Variants in LDLRAD4 observed in about 807,000 individuals in gnomAD.
LDLRAD4 encodes low density lipoprotein receptor class A domain containing 4, also known as low-density lipoprotein receptor class A domain-containing protein 4.
Under a neutral mutation model 17.0 loss-of-function variants are expected in LDLRAD4, and 5 were observed. The observed-to-expected ratio is 0.29, with a 90% CI of 0.15 to 0.62. LDLRAD4 has a LOEUF of 0.62. LDLRAD4 is among the 20% of genes least tolerant of loss of function. The pLI, the probability that LDLRAD4 is intolerant of heterozygous loss-of-function variation, is 0.84. For synonymous variants in LDLRAD4, 168 were observed against 171.8 expected, an observed-to-expected ratio of 0.98 and a Z score of 0.17; for missense variants, 340 against 424.7, an observed-to-expected ratio of 0.80 and a Z score of 1.75.
intron 3 of LDLRAD4, chr18:13,612,021 G>A (rs2148721354): frequency 1.0e-6 from 1 of 985,512 alleles, no homozygotes; most frequent in African/African-American, 1.7e-5. Flanking sequence ...GGAGAAGCAC[G>A]CGAGCCTAAC....
At chr18:13,457,831 G>C (rs2092225111) in intron 3 of LDLRAD4, among the ~76,000 whole-genome samples, 1 of 152,162 alleles carries the variant, frequency 6.6e-6, no homozygotes, top group South Asian at 2.1e-4. Context: ...TTCAGTGCTG[G>C]TCTGACTTGC....
chr18:13,429,581 A>G (rs187112637), intron 2 of LDLRAD4, among the ~76,000 whole-genome samples: 24 of 152,382 alleles, frequency 1.6e-4, no homozygotes, highest in African/African-American at 4.8e-4. Flanking sequence ...GTGGGATTTT[A>G]TTTTTCAAAA....
intron 1 of LDLRAD4, among the ~76,000 whole-genome samples, chr18:13,296,212 G>C (rs1419945227): frequency 1.3e-5 from 2 of 152,268 alleles, no homozygotes; most frequent in Non-Finnish European, 2.9e-5. Flanking sequence ...CTTCGCAAGA[G>C]GCGACCGCCA....
intron 3 of LDLRAD4, among the ~76,000 whole-genome samples, chr18:13,441,242 C>T (rs925998152): frequency 3.9e-5 from 6 of 152,190 alleles, no homozygotes; most frequent in African/African-American, 7.2e-5. Flanking sequence ...TGTGAACAAG[C>T]CTTAGAGCCT....
chr18:13,233,849 CA>C (rs2042202523), intron 1 of LDLRAD4, among the ~76,000 whole-genome samples: 1 of 152,074 alleles, frequency 6.6e-6, no homozygotes, highest in African/African-American at 2.4e-5. Flanking sequence ...TCCAAGCCAG[CA>C]TGTCTAAAAC....
rs572948444 is a variant in LDLRAD4, at chr18:13,608,362, G to A, written c.182-12755G>A. On this transcript the variant is annotated intron_variant, in intron 3 of 5. Transcript: ENST00000359446. ...GGAGGCAACTGGAGGGGGAGGCAGC[G>A]GGGCATACCGAGAAGCCCTGGGGGT... 2.0e-4 allele frequency among the ~76,000 whole-genome samples: 30 copies of A among 152,210 alleles called. No individual in the cohort carries two copies. The South Asian group carries it at 5.8e-3, about 30-fold the overall frequency.
exon 2 of LDLRAD4, chr18:13,387,574 G>A (rs372160292): frequency 3.1e-5 from 22 of 711,778 alleles, no homozygotes; most frequent in Non-Finnish European, 3.9e-5. Context: ...CGCGAGAGCC[G>A]GGCAGGTGGG....
intron 1 of LDLRAD4, among the ~76,000 whole-genome samples, chr18:13,335,259 G>A (rs985489712): frequency 1.3e-5 from 2 of 152,108 alleles, no homozygotes; most frequent in East Asian, 1.9e-4. Flanking sequence ...CATTGGTGTC[G>A]AGCACATGTT....
At chr18:13,544,819 A>G (rs2094336117) in intron 3 of LDLRAD4, among the ~76,000 whole-genome samples, 1 of 151,252 alleles carries the variant, frequency 6.6e-6, no homozygotes, top group Admixed American at 6.6e-5. Flanking sequence ...AGCTGCCGCC[A>G]GGAAAAAGGG....
intron 2 of LDLRAD4, among the ~76,000 whole-genome samples, chr18:13,403,989 A>C (rs551175903): frequency 1.3e-5 from 2 of 152,354 alleles, no homozygotes; most frequent in Admixed American, 6.5e-5. Context: ...CACTGAGCGC[A>C]AGGACCCTGA....
intron 3 of LDLRAD4, among the ~76,000 whole-genome samples, chr18:13,599,173 T>A (rs1483853515): frequency 6.6e-6 from 1 of 151,994 alleles, no homozygotes; most frequent in African/African-American, 2.4e-5. Flanking sequence ...TGTTGGGAAG[T>A]GGGGAGAGAG....
At chr18:13,311,283 G>T (rs1238416515) in intron 1 of LDLRAD4, among the ~76,000 whole-genome samples, 1 of 152,216 alleles carries the variant, frequency 6.6e-6, no homozygotes, top group African/African-American at 2.4e-5. Flanking sequence ...TCTTTGTCAG[G>T]GGTGGATGGT....
intron 1 of LDLRAD4, among the ~76,000 whole-genome samples, chr18:13,231,377 G>A (rs1248652818): frequency 3.3e-5 from 5 of 152,176 alleles, no homozygotes; most frequent in Admixed American, 3.3e-4. Context: ...TGAGCATGTC[G>A]GGTGGCCCTT....
At chr18:13,536,462 C>T (rs1221345382) in intron 3 of LDLRAD4, among the ~76,000 whole-genome samples, 1 of 151,932 alleles carries the variant, frequency 6.6e-6, no homozygotes, top group Non-Finnish European at 1.5e-5. Flanking sequence ...GTACATAAAC[C>T]CTGTATTCTG....
intron 1 of LDLRAD4, among the ~76,000 whole-genome samples, chr18:13,308,085 A>G (rs2047017758): frequency 6.6e-6 from 1 of 152,150 alleles, no homozygotes; most frequent in Non-Finnish European, 1.5e-5. Flanking sequence ...ATTTATAAAC[A>G]ACTTTAAAAA....
At chr18:13,495,871 T>C (rs1234863284) in intron 3 of LDLRAD4, among the ~76,000 whole-genome samples, 3 of 152,200 alleles carry the variant, frequency 2.0e-5, no homozygotes, top group African/African-American at 7.2e-5. Flanking sequence ...CGCGAAGACC[T>C]CCATCACCTT....
chr18:13,477,246 C>T (rs1268629391), intron 3 of LDLRAD4, among the ~76,000 whole-genome samples: 1 of 152,152 alleles, frequency 6.6e-6, no homozygotes, highest in Admixed American at 6.5e-5. Context: ...CTAAAAAAAG[C>T]TGGGGCCCCG....
intron 3 of LDLRAD4, among the ~76,000 whole-genome samples, chr18:13,452,636 A>C (rs12964045): frequency 0.13 from 20,370 of 152,160 alleles, 1,377 homozygotes; most frequent in Non-Finnish European, 0.15. Flanking sequence ...AAATACCGAC[A>C]TAGGAGGGAT....
intron 3 of LDLRAD4, among the ~76,000 whole-genome samples, chr18:13,555,276 TAATC>T (rs1243308514): frequency 1.3e-5 from 2 of 152,194 alleles, no homozygotes; most frequent in Non-Finnish European, 1.5e-5. Flanking sequence ...TTTAAAAAGA[TAATC>T]AGCAAGAGGA....
Sources: allele counts gnomAD v4.1 joint callset (sites outside exome capture counted in the v4.1 genomes callset), GRCh38; gene constraint gnomAD v4.1.1; transcripts MANE v1.5; gene names NCBI Gene and HGNC (gene_info 2026-07-23, HGNC 2026-07-21).